Variants in RPL32 observed in about 807,000 individuals in gnomAD.
RPL32 encodes the protein large ribosomal subunit protein eL32.
For missense variants in RPL32, 117 were observed against 173.7 expected (o/e 0.67, Z 1.83); for synonymous variants, 61 against 62.6 (o/e 0.98, Z 0.12).
At chr3:12,838,927 A>AG (rs1254043748) in intron 3 of RPL32, 3 of 252,580 alleles carry the variant, frequency 1.2e-5, no homozygotes, top group Non-Finnish European at 2.3e-5. Flanking sequence ...GGGTCTCCCA[A>AG]GGGCTGTGTC....
At position 12,839,423 on chromosome 3, in the gene RPL32, G is replaced by A. The variant is rs1299908943; in HGVS notation, c.204C>T (p.His68=). 2 of 1,614,212 alleles carry A rather than the reference G, an allele frequency of 1.2e-6. No homozygotes were observed. Among genetic ancestry groups the A allele is most frequent in the Non-Finnish European group, 1.7e-6 (2 of 1,180,030 alleles). Residue 68 remains histidine (H), a synonymous_variant, in exon 3 of 4, where the codon CAC becomes CAT. Coordinates refer to ENST00000429711, the MANE Select transcript of RPL32 (RefSeq NM_000994.4). ...IGYGSNKKTK[H]MLPSGFRKFL... Reference sequence around the variant, plus strand: ...ACTTCCGGAAGCCACTGGGCAGCATGTGCTTTGTTTTTTTGTTGCTTCCAT... The same window carrying A: ...ACTTCCGGAAGCCACTGGGCAGCATATGCTTTGTTTTTTTGTTGCTTCCAT...
rs1482790923 is a variant in RPL32 at position 12,839,127 on chromosome 3, T to C, written c.278+222A>G. On this transcript the variant is annotated intron_variant, in intron 3 of 3. Coordinates refer to ENST00000429711, the MANE Select transcript of RPL32 (RefSeq NM_000994.4). ...CAGTCTTTTCCTGGTCTTGGGTCTC[T>C]ACACTTAGAAGACCAAGTCACCTCC... 6.7e-6 allele frequency: 4 copies of C among 599,374 alleles called. No homozygotes were observed. The East Asian group carries it at 1.1e-4, about 17-fold the overall frequency. 37.1% of individuals were successfully genotyped at this position (599,374 alleles called of 1,614,324 possible). A position where few individuals can be genotyped will look rare whatever the true frequency, so the allele number is the denominator to read the frequency against.
At chr3:12,837,586 C>G (rs1350804340) in intron 3 of RPL32, among the ~76,000 whole-genome samples, 4 of 152,238 alleles carry the variant, frequency 2.6e-5, no homozygotes, top group African/African-American at 9.6e-5. Context: ...CTTCGCCCAT[C>G]TTTTCTAACA....
In RPL32 at chr3:12,835,793, GCTT is replaced by G. The variant is rs1434902312; in HGVS notation, c.*298_*300del. ...ACTACTTGTGGCTTGGGAGCCACAA[GCTT>G]CTTCAAGTGTCTCAGAACCTACCTG... On this transcript the variant is annotated 3_prime_UTR_variant, in exon 4 of 4. Coordinates refer to ENST00000429711, the MANE Select transcript of RPL32 (RefSeq NM_000994.4). 3 of 281,642 alleles carry G rather than the reference GCTT, an allele frequency of 1.1e-5. No homozygotes were observed. Among genetic ancestry groups the G allele is most frequent in the East Asian group, 7.1e-5 (1 of 14,096 alleles). The allele number at this position is 281,642 out of a possible 1,614,324, so 17.4% of individuals were successfully genotyped here. A position where few individuals can be genotyped will look rare whatever the true frequency, so the allele number is the denominator to read the frequency against.
chr3:12,840,422 G>A (rs777096181), intron 1 of RPL32, 180 bp from the exon 2 acceptor site: 3 of 726,662 alleles, frequency 4.1e-6, no homozygotes, highest in South Asian at 2.7e-5. Context: ...AGAATACTAG[G>A]CACTCTCCAG....
intron 3 of RPL32, among the ~76,000 whole-genome samples, chr3:12,838,564 T>C (rs2062119490): frequency 6.6e-6 from 1 of 152,070 alleles, no homozygotes; most frequent in Non-Finnish European, 1.5e-5. Context: ...CCCCTGAAGA[T>C]ACCCCTTACC....
intron 3 of RPL32, among the ~76,000 whole-genome samples, chr3:12,837,466 A>C (rs1196817786): frequency 6.6e-6 from 1 of 152,258 alleles, no homozygotes; most frequent in Non-Finnish European, 1.5e-5. Flanking sequence ...TATGCCAACC[A>C]GCCAACATGT....
chr3:12,840,042 C>A (rs1397846762), intron 2 of RPL32, 100 bp downstream of exon 2: 2 of 975,974 alleles, frequency 2.0e-6, no homozygotes, highest in African/African-American at 1.6e-5. Context: ...CTTCCACAAG[C>A]CAGTTCATCG....
Position 12,836,074 on chromosome 3 carries a change from A to G in RPL32, c.*20T>C, listed in dbSNP as rs2062097391. On this transcript the variant is annotated 3_prime_UTR_variant, in exon 4 of 4. Transcript: ENST00000429711. ...GCAGTTTTTACATTTATTTAAACAGAAAACGTGCACATGAGCTGCCTACTC... is the reference window on the plus strand; with the variant it reads ...GCAGTTTTTACATTTATTTAAACAGGAAACGTGCACATGAGCTGCCTACTC... 1 of 1,609,822 alleles carries G rather than the reference A, an allele frequency of 6.2e-7. No homozygotes were observed. The highest frequency in any genetic ancestry group is 1.3e-5 in the African/African-American group (1 of 75,016).
Position 12,834,824 on chromosome 3 carries a change from C to A in RPL32, c.*1270G>T, listed in dbSNP as rs543558791. On this transcript the variant is annotated 3_prime_UTR_variant, in exon 4 of 4. Coordinates refer to ENST00000429711, the MANE Select transcript of RPL32 (RefSeq NM_000994.4). ...AGTTACTTCTTTCCTCTGCACGACT[C>A]GTCTCCAATTGTTAATCGAATCGCC... 3.3e-5 allele frequency: 5 copies of A among 152,184 alleles called. No homozygotes were observed. Among genetic ancestry groups the A allele is most frequent in the Non-Finnish European group, 7.3e-5 (5 of 68,040 alleles). 9.4% of individuals were successfully genotyped at this position (152,184 alleles called of 1,614,324 possible). A position where few individuals can be genotyped will look rare whatever the true frequency, so the allele number is the denominator to read the frequency against.
chr3:12,839,583 T>C, intron 2 of RPL32, 53 bp from the exon 3 acceptor site: 1 of 1,561,346 alleles, frequency 6.4e-7, no homozygotes, highest in Non-Finnish European at 8.8e-7. Flanking sequence ...TGCGAACTCT[T>C]CCTTTTGGGG....
chr3:12,839,722 G>A (rs945961631), intron 2 of RPL32, 192 bp from the exon 3 acceptor site: 7 of 639,954 alleles, frequency 1.1e-5, no homozygotes, highest in Admixed American at 8.4e-5. Flanking sequence ...CACTAGGGAT[G>A]AAGGCACCCC....
At chr3:12,840,361 T>C (rs1252566221) in intron 1 of RPL32, 119 bp from the exon 2 acceptor site, 2 of 801,176 alleles carry the variant, frequency 2.5e-6, no homozygotes, top group South Asian at 1.3e-5. Context: ...AAGCTGGGAA[T>C]GGAATGGGTG....
intron 3 of RPL32, among the ~76,000 whole-genome samples, chr3:12,838,587 T>TA (rs2062119590): frequency 6.6e-6 from 1 of 151,910 alleles, no homozygotes; most frequent in Non-Finnish European, 1.5e-5. Context: ...AGCACAGACT[T>TA]AAGAGCCCCT....
Position 12,839,878 on chromosome 3 carries a change from G to A in RPL32, c.96+264C>T, listed in dbSNP as rs182783397. Among the ~76,000 whole-genome samples, 67 of 152,310 alleles carry A rather than the reference G, an allele frequency of 4.4e-4. No individual in the cohort carries two copies. The East Asian group carries it at 0.012, about 28-fold the overall frequency. On this transcript the variant is annotated intron_variant, in intron 2 of 3. Transcript: ENST00000429711. ...TAAAATAGGGATCCTGCTGTCACAAGGCAACCCAAAATACAGGACACAAAT... is the reference window on the plus strand; with the variant it reads ...TAAAATAGGGATCCTGCTGTCACAAAGCAACCCAAAATACAGGACACAAAT...
At chr3:12,840,089 G>GGCGGCC in intron 2 of RPL32, 53 bp downstream of exon 2, 5 of 1,394,340 alleles carry the variant, frequency 3.6e-6, no homozygotes, top group Non-Finnish European at 5.1e-6. Flanking sequence ...GTCAGAAACT[G>GGCGGCC]TTGGAAACTC....
chr3:12,840,279 C>T (rs1237775563), intron 1 of RPL32, 37 bp from the exon 2 acceptor site: 1 of 1,470,506 alleles, frequency 6.8e-7, no homozygotes, highest in East Asian at 2.3e-5. Flanking sequence ...GAGGAAGAAT[C>T]CTGGAAGGAG....
intron 2 of RPL32, 124 bp downstream of exon 2, chr3:12,840,018 T>G (rs977753892): frequency 1.2e-6 from 1 of 815,204 alleles, no homozygotes; most frequent in African/African-American, 1.7e-5. Context: ...AGACCTGTAT[T>G]TCTACAGAAA....
chr3:12,835,824 G>A lies in RPL32; in HGVS notation c.*270C>T, dbSNP rs779098359. 2 of 387,926 alleles carry A rather than the reference G, an allele frequency of 5.2e-6. No individual in the cohort carries two copies. The highest frequency in any genetic ancestry group is 4.1e-5 in the Admixed American group (1 of 24,244). 24.0% of individuals were successfully genotyped at this position (387,926 alleles called of 1,614,324 possible). A position where few individuals can be genotyped will look rare whatever the true frequency, so the allele number is the denominator to read the frequency against. On this transcript the variant is annotated 3_prime_UTR_variant, in exon 4 of 4. Transcript: ENST00000429711. The stretch of plus-strand genomic sequence containing the variant: ...TCAAGTGTCTCAGAACCTACCTGGT[G>A]TGAGGGCCAAGTCTGTACCCCTCAT...
Sources: allele counts gnomAD v4.1 joint callset (sites outside exome capture counted in the v4.1 genomes callset), GRCh38; gene constraint gnomAD v4.1.1; transcripts MANE v1.5; gene names NCBI Gene and HGNC (gene_info 2026-07-23, HGNC 2026-07-21).